FGD4: variants seen among roughly 807,000 people sequenced by gnomAD.
The protein encoded by FGD4 is FYVE, RhoGEF and PH domain-containing protein 4.
Under a neutral mutation model 102.0 loss-of-function variants are expected in FGD4, and 42 were observed. That is an observed-to-expected ratio of 0.41 (90% confidence interval 0.32 to 0.53). The LOEUF (loss-of-function observed/expected upper bound fraction) is 0.53. Ranked by LOEUF, FGD4 falls within the 20% of genes least tolerant of loss-of-function variation. The pLI is 0.21. For missense variants in FGD4, 902 were observed against 1,078.2 expected (o/e 0.84, Z 2.29); for synonymous variants, 380 against 375.7 (o/e 1.01, Z -0.13).
rs375966436 is a variant in FGD4 at position 32,471,239 on chromosome 12, T to G, written c.166+71280T>G. Among the ~76,000 whole-genome samples, 18 of 152,266 alleles carry G rather than the reference T, an allele frequency of 1.2e-4. No individual in the cohort carries two copies. The East Asian group carries it at 3.5e-3, about 29-fold the overall frequency. ...TTTGGGCTTCAACTGAGCCAGGCAC[T>G]GGCATCCCTGGGCCTCCAGCTTGCA... On this transcript the variant is annotated intron_variant, in intron 1 of 16. Coordinates refer to ENST00000534526, the MANE Select transcript of FGD4 (RefSeq NM_001370298.3).
At chr12:32,626,169 G>A (rs969374997) in intron 14 of FGD4, among the ~76,000 whole-genome samples, 1 of 152,198 alleles carries the variant, frequency 6.6e-6, no homozygotes, top group Non-Finnish European at 1.5e-5. Context: ...AAGGGGCTGG[G>A]CGCAGTGGCT....
intron 1 of FGD4, among the ~76,000 whole-genome samples, chr12:32,418,202 C>T (rs111318555): frequency 1.2e-3 from 184 of 152,100 alleles, no homozygotes; most frequent in African/African-American, 2.1e-3. Flanking sequence ...GTGATCCGCC[C>T]GCCTCTGCCT....
intron 4 of FGD4, among the ~76,000 whole-genome samples, chr12:32,591,963 G>T (rs1947510247): frequency 6.6e-6 from 1 of 152,174 alleles, no homozygotes; most frequent in African/African-American, 2.4e-5. Flanking sequence ...AACTTTTGGT[G>T]CTGATAGCTT....
chr12:32,531,109 G>C (rs566197588), intron 1 of FGD4, among the ~76,000 whole-genome samples: 1 of 151,610 alleles, frequency 6.6e-6, no homozygotes, highest in East Asian at 1.9e-4. Context: ...GTGCCACCAT[G>C]CCCAGCTAAT....
intron 1 of FGD4, among the ~76,000 whole-genome samples, chr12:32,462,748 A>C (rs1943142313): frequency 6.6e-6 from 1 of 152,162 alleles, no homozygotes; most frequent in African/African-American, 2.4e-5. Context: ...TACCTCTTGA[A>C]ATATGTAAGG....
At chr12:32,498,240 A>G (rs1444682217) in intron 1 of FGD4, among the ~76,000 whole-genome samples, 1 of 152,234 alleles carries the variant, frequency 6.6e-6, no homozygotes, top group African/African-American at 2.4e-5. Context: ...AAAAATTTCA[A>G]GGGAAAAATG....
chr12:32,436,964 C>G (rs1942250099), intron 1 of FGD4, among the ~76,000 whole-genome samples: 1 of 152,036 alleles, frequency 6.6e-6, no homozygotes, highest in South Asian at 2.1e-4. Context: ...CTAAAATTAG[C>G]CAGGCATGGT....
chr12:32,612,196 C>A (rs1037459881), intron 10 of FGD4, among the ~76,000 whole-genome samples: 1 of 152,232 alleles, frequency 6.6e-6, no homozygotes, highest in Non-Finnish European at 1.5e-5. Context: ...AAGCCACTTG[C>A]AGTACGCTTG....
chr12:32,627,784 T>C (rs1950266845), intron 14 of FGD4, among the ~76,000 whole-genome samples: 1 of 152,150 alleles, frequency 6.6e-6, no homozygotes, highest in Non-Finnish European at 1.5e-5. Flanking sequence ...AGAAGGGAAG[T>C]ATTTACATCA....
intron 1 of FGD4, among the ~76,000 whole-genome samples, chr12:32,468,447 C>T (rs531492105): frequency 2.6e-5 from 4 of 152,190 alleles, no homozygotes; most frequent in South Asian, 2.1e-4. Context: ...CTTGAGCTCT[C>T]GAGTGCTAGA....
intron 16 of FGD4, among the ~76,000 whole-genome samples, chr12:32,639,288 C>T (rs1411299459): frequency 6.6e-6 from 1 of 151,986 alleles, no homozygotes; most frequent in African/African-American, 2.4e-5. Flanking sequence ...CTCAGCCTCC[C>T]GAGTAGCTGG....
chr12:32,614,060 T>G (rs1949308042), intron 10 of FGD4, among the ~76,000 whole-genome samples: 1 of 152,192 alleles, frequency 6.6e-6, no homozygotes, highest in Non-Finnish European at 1.5e-5. Flanking sequence ...GTTCATCTTT[T>G]TCCTGCCCTA....
intron 11 of FGD4, among the ~76,000 whole-genome samples, chr12:32,622,999 G>C (rs1949940265): frequency 6.6e-6 from 1 of 152,164 alleles, no homozygotes; most frequent in African/African-American, 2.4e-5. Context: ...GATATTGAAA[G>C]ATTTTTTATA....
chr12:32,425,139 C>CT (rs1362888831), intron 1 of FGD4, among the ~76,000 whole-genome samples: 2 of 152,172 alleles, frequency 1.3e-5, no homozygotes, highest in Non-Finnish European at 2.9e-5. Context: ...GTCATAAAGT[C>CT]TTTGCCCATG....
chr12:32,638,491 T>C (rs996569518), intron 15 of FGD4, among the ~76,000 whole-genome samples, 164 bp from the exon 16 acceptor site: 1 of 152,234 alleles, frequency 6.6e-6, no homozygotes, highest in Non-Finnish European at 1.5e-5. Flanking sequence ...AGAGCTAAAA[T>C]TGGCTTAAAT....
chr12:32,510,596 T>G (rs911801220), intron 1 of FGD4, among the ~76,000 whole-genome samples: 3 of 152,170 alleles, frequency 2.0e-5, no homozygotes, highest in Non-Finnish European at 2.9e-5. Flanking sequence ...ACGATAAACC[T>G]GTTGTAAGTA....
chr12:32,595,803 A>C (rs1947845677), intron 4 of FGD4, among the ~76,000 whole-genome samples: 1 of 152,238 alleles, frequency 6.6e-6, no homozygotes, highest in Non-Finnish European at 1.5e-5. Flanking sequence ...AGATGACTGC[A>C]TAGTTCTTAT....
At position 32,552,207 on chromosome 12, in the gene FGD4, A is replaced by G. The variant is rs989367195; in HGVS notation, c.167-11930A>G. Among the ~76,000 whole-genome samples, 22 of 152,212 alleles carry G rather than the reference A, an allele frequency of 1.4e-4. 1 individual carries two copies. Among genetic ancestry groups the G allele is most frequent in the African/African-American group, 4.8e-4 (20 of 41,460 alleles). ...TTCCACTCTGGTCATCCCTGTAGAC[A>G]CAGAGTAATTTGTGTACTGTAAATA... On this transcript the variant is annotated intron_variant, in intron 1 of 16. Coordinates refer to ENST00000534526, the MANE Select transcript of FGD4 (RefSeq NM_001370298.3).
chr12:32,434,056 A>G (rs909331446), intron 1 of FGD4, among the ~76,000 whole-genome samples: 4 of 151,790 alleles, frequency 2.6e-5, no homozygotes, highest in African/African-American at 9.7e-5. Context: ...GGGTTTCACC[A>G]TGATAGCCAG....
Sources: allele counts gnomAD v4.1 joint callset (sites outside exome capture counted in the v4.1 genomes callset), GRCh38; gene constraint gnomAD v4.1.1; transcripts MANE v1.5; gene names NCBI Gene and HGNC (gene_info 2026-07-23, HGNC 2026-07-21).